AFDN: variants seen among roughly 807,000 people sequenced by gnomAD.
AFDN encodes the protein afadin, adherens junction formation factor.
A neutral mutation model predicts 216.6 loss-of-function variants in AFDN; 68 were observed. The ratio of observed to expected loss-of-function variants is 0.31; its 90% CI spans 0.26 to 0.38. AFDN has a LOEUF of 0.38. AFDN is among the 10% of genes least tolerant of loss of function. AFDN has a pLI of 1.00. For missense variants in AFDN, 2,136 were observed against 2,342.0 expected, an observed-to-expected ratio of 0.91 and a Z score of 1.82; for synonymous variants, 868 against 853.7, an observed-to-expected ratio of 1.02 and a Z score of -0.29.
At chr6:167,955,030 A>T (rs1796354250) in intron 30 of AFDN, among the ~76,000 whole-genome samples, 1 of 152,142 alleles carries the variant, frequency 6.6e-6, no homozygotes, top group African/African-American at 2.4e-5. Flanking sequence ...TCTGCTGAAA[A>T]ATACTTGAGG....
chr6:167,875,085 A>G (rs1290581459), intron 4 of AFDN, among the ~76,000 whole-genome samples: 1 of 152,212 alleles, frequency 6.6e-6, no homozygotes, highest in African/African-American at 2.4e-5. Context: ...TTATTCATGA[A>G]TAAACTCACT....
intron 15 of AFDN, among the ~76,000 whole-genome samples, chr6:167,912,493 G>A (rs1431250130): frequency 6.6e-6 from 1 of 152,182 alleles, no homozygotes; most frequent in Non-Finnish European, 1.5e-5. Flanking sequence ...TGAGTGATTA[G>A]CATGAGTTTG....
At chr6:167,947,188 T>C (rs77979269) in intron 27 of AFDN, among the ~76,000 whole-genome samples, 1 of 141,378 alleles carries the variant, frequency 7.1e-6, no homozygotes, top group Middle Eastern at 3.3e-3. Flanking sequence ...TTTTTTTTTT[T>C]TTTTGAGACG....
At position 167,948,395 on chromosome 6, in the gene AFDN, G is replaced by C; in HGVS notation, c.3748G>C (p.Ala1250Pro). Residue 1250 changes from alanine (A) to proline (P), a missense_variant, in exon 29 of 34, where the codon GCT (alanine) becomes CCT (proline). By Grantham distance (27) the Ala-to-Pro change is conservative (BLOSUM62 -1). Transcript: ENST00000683244. ...AGCTTCCAAATCCCAGGATCGGATG[G>C]CTCCTCCTCAGAACCAGTGGCCAAA... ...FPASKSQDRMAPPQNQWPNYE... is the reference protein window; with the variant it reads ...FPASKSQDRMPPPQNQWPNYE... The C allele has an allele frequency of 6.2e-7, 1 of 1,614,070 alleles. No individual in the cohort carries two copies. The highest frequency in any genetic ancestry group is 8.5e-7 in the Non-Finnish European group (1 of 1,180,022).
chr6:167,863,538 G>T (rs1783820081), intron 1 of AFDN, among the ~76,000 whole-genome samples: 1 of 152,222 alleles, frequency 6.6e-6, no homozygotes, highest in African/African-American at 2.4e-5. Context: ...GTTGGATTCT[G>T]GGTGTATTTT....
chr6:167,945,942 G>A (rs77984694), intron 26 of AFDN, among the ~76,000 whole-genome samples: 16,328 of 151,990 alleles, frequency 0.11, 1,034 homozygotes, highest in South Asian at 0.23. Flanking sequence ...TTTCTCCTCC[G>A]TAAGGCAGGA....
chr6:167,843,882 G>T lies in AFDN; in HGVS notation c.105+16645G>T, dbSNP rs530675368. Among the ~76,000 whole-genome samples the T allele has an allele frequency of 2.9e-3, 438 of 152,254 alleles. 2 individuals carry two copies. Among genetic ancestry groups the T allele is most frequent in the African/African-American group, 0.01 (426 of 41,540 alleles). ...AACATTTCAATATCTGACTAAAGGA[G>T]AAACACCTTGGGATAGTTAGGCTGT... On this transcript the variant is annotated intron_variant, in intron 1 of 33. Coordinates refer to ENST00000683244, the MANE Select transcript of AFDN (RefSeq NM_001386888.1).
chr6:167,906,039 C>T (rs940918010), intron 12 of AFDN, among the ~76,000 whole-genome samples: 1 of 152,106 alleles, frequency 6.6e-6, no homozygotes, highest in Non-Finnish European at 1.5e-5. Flanking sequence ...GGAGGCGGAG[C>T]TTGCAGTGAG....
chr6:167,913,917 C>G, intron 16 of AFDN: 1 of 501,716 alleles, frequency 2.0e-6, no homozygotes, highest in South Asian at 3.0e-5. Context: ...CTGATTCCAT[C>G]TATAAATTGT....
At chr6:167,955,364 C>T (rs773853265) in intron 30 of AFDN, among the ~76,000 whole-genome samples, 1 of 152,154 alleles carries the variant, frequency 6.6e-6, no homozygotes, top group African/African-American at 2.4e-5. Flanking sequence ...AACACCTTCC[C>T]TCCTTGGTGA....
In AFDN at chr6:167,907,161, C is replaced by G; in HGVS notation, c.1651-10C>G. On this transcript the variant is annotated splice_polypyrimidine_tract_variant and intron_variant, in intron 12 of 33. Coordinates refer to ENST00000683244, the MANE Select transcript of AFDN (RefSeq NM_001386888.1). Reference sequence around the variant, plus strand: ...AGGTTCTAAACCCGTTGTGCTTTCTCTCCATGTAGAGCACCACTAGGCTGG... The same window carrying G: ...AGGTTCTAAACCCGTTGTGCTTTCTGTCCATGTAGAGCACCACTAGGCTGG... 1 of 1,609,566 alleles carries G rather than the reference C, an allele frequency of 6.2e-7. No homozygotes were observed. The highest frequency in any genetic ancestry group is 8.5e-7 in the Non-Finnish European group (1 of 1,176,394).
chr6:167,888,122 A>C (rs1026890052), intron 6 of AFDN, among the ~76,000 whole-genome samples: 2 of 152,226 alleles, frequency 1.3e-5, no homozygotes, highest in Non-Finnish European at 2.9e-5. Context: ...TTGAGACTAA[A>C]GAGATGAGTG....
intron 7 of AFDN, among the ~76,000 whole-genome samples, chr6:167,889,717 C>A (rs1787329528): frequency 6.6e-6 from 1 of 152,332 alleles, no homozygotes; most frequent in Admixed American, 6.5e-5. Context: ...GTCCCTAAGA[C>A]CACACTCAGC....
intron 6 of AFDN, among the ~76,000 whole-genome samples, chr6:167,887,049 C>T (rs1786931952): frequency 6.7e-6 from 1 of 149,928 alleles, no homozygotes; most frequent in South Asian, 2.1e-4. Context: ...CCTGGTGTTG[C>T]ATCTGATACC....
chr6:167,871,213 T>A (rs188261030), intron 3 of AFDN, among the ~76,000 whole-genome samples: 68 of 148,508 alleles, frequency 4.6e-4, no homozygotes, highest in Non-Finnish European at 1.2e-4. Context: ...TGTTGAAGAG[T>A]CATGGAGATG....
At chr6:167,889,374 T>C (rs778000829) in intron 7 of AFDN, 48 bp downstream of exon 7, 7 of 1,267,584 alleles carry the variant, frequency 5.5e-6, no homozygotes, top group South Asian at 3.6e-5. Context: ...CTATGTGATA[T>C]ACCAGGTGTT....
intron 1 of AFDN, among the ~76,000 whole-genome samples, chr6:167,836,569 G>C (rs1243584055): frequency 6.6e-6 from 1 of 152,096 alleles, no homozygotes; most frequent in Non-Finnish European, 1.5e-5. Context: ...AAATGTCAGA[G>C]TACTGCATTT....
intron 31 of AFDN, chr6:167,963,737 T>A: frequency 9.4e-7 from 1 of 1,062,076 alleles, no homozygotes; most frequent in Non-Finnish European, 1.1e-6. Flanking sequence ...GTTTGAGCTT[T>A]CAGGATTAGG....
At chr6:167,870,336 T>A in intron 2 of AFDN, 50 bp from the exon 3 acceptor site, 4 of 1,201,690 alleles carry the variant, frequency 3.3e-6, no homozygotes, top group Non-Finnish European at 4.8e-6. Context: ...TAGCTAGTTC[T>A]ATGAAATAAC....
Sources: allele counts gnomAD v4.1 joint callset (sites outside exome capture counted in the v4.1 genomes callset), GRCh38; gene constraint gnomAD v4.1.1; transcripts MANE v1.5; gene names NCBI Gene and HGNC (gene_info 2026-07-23, HGNC 2026-07-21).